Variants in GCDH observed in about 807,000 individuals in gnomAD.
The protein encoded by GCDH is glutaryl-CoA dehydrogenase, mitochondrial.
Under a neutral mutation model 52.8 loss-of-function variants are expected in GCDH, and 31 were observed. The ratio of observed to expected loss-of-function variants is 0.59; its 90% CI spans 0.44 to 0.79. The LOEUF (loss-of-function observed/expected upper bound fraction) is 0.79, where lower values mean the gene tolerates loss of function less well. GCDH is among the 30% of genes least tolerant of loss of function. The pLI, the probability that GCDH is intolerant of heterozygous loss-of-function variation, is 0.00. For missense variants in GCDH, 509 were observed against 595.0 expected (o/e 0.86, Z 1.50); for synonymous variants, 242 against 250.0 (o/e 0.97, Z 0.30).
Position 12,898,957 on chromosome 19 carries a change from G to A in GCDH, c.1244-511G>A, listed in dbSNP as rs535153862. 1.3e-4 allele frequency: 36 copies of A among 279,708 alleles called. 1 individual carries two copies. The South Asian group carries it at 1.4e-3, about 11-fold the overall frequency. The allele number at this position is 279,708 out of a possible 1,614,324, so 17.3% of individuals were successfully genotyped here. On this transcript the variant is annotated intron_variant, in intron 11 of 11. Transcript: ENST00000222214. ...TTCAGATGGGCAGAGGTCAGCTGAG[G>A]CAAGTGACTGCTCTTCCGATGTGCT...
At chr19:12,897,087 C>A in intron 9 of GCDH, 74 bp downstream of exon 9, 1 of 1,286,746 alleles carries the variant, frequency 7.8e-7, no homozygotes, top group South Asian at 1.2e-5. Context: ...CCATGGGTGA[C>A]TCCCCAGCCC....
At chr19:12,897,546 T>TC in intron 10 of GCDH, 118 bp downstream of exon 10, 1 of 1,436,594 alleles carries the variant, frequency 7.0e-7, no homozygotes, top group Non-Finnish European at 9.8e-7. Flanking sequence ...CCTTCTGCTG[T>TC]CCCTCTTGTC....
In GCDH at chr19:12,897,333, C is replaced by A; in HGVS notation, c.987C>A (p.Asn329Lys). ...RMQFGVPLAR[N>K]QLIQKKLADM... ...AGTTTGGTGTCCCACTGGCCAGGAACCAGCTGATTCAGAAGAAGCTGGCAG... is the reference window on the plus strand; with the variant it reads ...AGTTTGGTGTCCCACTGGCCAGGAAACAGCTGATTCAGAAGAAGCTGGCAG... Residue 329 changes from asparagine (N) to lysine (K), a missense_variant, in exon 10 of 12, where the codon AAC (asparagine) becomes AAA (lysine). Coordinates refer to ENST00000222214, the MANE Select transcript of GCDH (RefSeq NM_000159.4). The A allele has an allele frequency of 6.2e-7, 1 of 1,613,846 alleles. No individual in the cohort carries two copies. Among genetic ancestry groups the A allele is most frequent in the Non-Finnish European group, 8.5e-7 (1 of 1,180,004 alleles).
intron 6 of GCDH, chr19:12,894,238 G>T: frequency 8.7e-7 from 1 of 1,152,962 alleles, no homozygotes; most frequent in Non-Finnish European, 1.3e-6. Context: ...GGCCACAGAA[G>T]TTGCTGTTGA....
At chr19:12,895,962 C>T in intron 6 of GCDH, 30 bp from the exon 7 acceptor site, 2 of 1,613,374 alleles carry the variant, frequency 1.2e-6, no homozygotes, top group South Asian at 1.1e-5. Flanking sequence ...AGGGACCAGG[C>T]AGCCTTGTGA....
Position 12,895,921 on chromosome 19 carries a change from C to T in GCDH, c.506-71C>T, listed in dbSNP as rs1298961934. The stretch of plus-strand genomic sequence containing the variant: ...AGGCGTGAGCCACTGCACCCCGCCA[C>T]GAGGATAATTTTTGAGTAAGGGGAT... On this transcript the variant is annotated intron_variant, in intron 6 of 11. Coordinates refer to ENST00000222214, the MANE Select transcript of GCDH (RefSeq NM_000159.4). 5.0e-6 allele frequency: 8 copies of T among 1,593,404 alleles called. 1 individual carries two copies. Among genetic ancestry groups the T allele is most frequent in the Admixed American group, 3.3e-5 (2 of 59,964 alleles).
chr19:12,893,167 G>A (rs1191808306), intron 5 of GCDH, among the ~76,000 whole-genome samples: 5 of 152,210 alleles, frequency 3.3e-5, no homozygotes, highest in South Asian at 2.1e-4. Flanking sequence ...GATTATAAAC[G>A]TGAGCCACCG....
intron 11 of GCDH, 102 bp downstream of exon 11, chr19:12,897,965 C>G (rs1054954202): frequency 2.0e-6 from 2 of 987,126 alleles, no homozygotes; most frequent in Non-Finnish European, 3.2e-6. Flanking sequence ...CCACCTATCA[C>G]TAAGTGACAG....
chr19:12,892,962 T>A (rs1599609568), intron 5 of GCDH, among the ~76,000 whole-genome samples: 1 of 151,198 alleles, frequency 6.6e-6, no homozygotes, highest in Admixed American at 6.6e-5. Flanking sequence ...CCTGGCTCAC[T>A]GCAGTTTCCT....
In GCDH at chr19:12,896,459, C is replaced by G; in HGVS notation, c.852+38C>G. 6.7e-7 allele frequency: 1 copy of G among 1,486,866 alleles called. No homozygotes were observed. The highest frequency in any genetic ancestry group is 9.3e-7 in the Non-Finnish European group (1 of 1,074,988). The allele number at this position is 1,486,866 out of a possible 1,614,324, so 92.1% of individuals were successfully genotyped here. A position where few individuals can be genotyped will look rare whatever the true frequency, so the allele number is the denominator to read the frequency against. ...CACTTTGGGAATGGGTGTTGGGTCA[C>G]CTGCGGATGCGGCTTTGTCAGGCAG... On this transcript the variant is annotated intron_variant, in intron 8 of 11. Transcript: ENST00000222214. This position sits in a 1 kb window ranked among gnomAD's most constrained non-coding sequence, Gnocchi z 5.5.
rs934414554 is a variant in GCDH, at chr19:12,896,551, G to A, written c.852+130G>A. ...ACACAGTGGTGATTCTTACTCAGCC[G>A]GACTCGCTGACGTGCTGAAAACTGC... On this transcript the variant is annotated intron_variant, in intron 8 of 11. Coordinates refer to ENST00000222214, the MANE Select transcript of GCDH (RefSeq NM_000159.4). The surrounding 1 kb of genome is among the most constrained non-coding windows in gnomAD (Gnocchi z 5.5). The A allele has an allele frequency of 3.9e-5, 31 of 789,930 alleles. No individual in the cohort carries two copies. The highest frequency in any genetic ancestry group is 3.4e-4 in the Middle Eastern group (1 of 2,908). The allele number at this position is 789,930 out of a possible 1,614,324, so 48.9% of individuals were successfully genotyped here. A position where few individuals can be genotyped will look rare whatever the true frequency, so the allele number is the denominator to read the frequency against.
intron 10 of GCDH, 68 bp from the exon 11 acceptor site, chr19:12,897,635 C>T: frequency 6.3e-7 from 1 of 1,585,710 alleles, no homozygotes; most frequent in Non-Finnish European, 8.7e-7. Flanking sequence ...CCACCCCGGG[C>T]TAGGTTTGCT....
At position 12,899,702 on chromosome 19, in the gene GCDH, G is replaced by T. The variant is rs113720193; in HGVS notation, c.*161G>T. On this transcript the variant is annotated 3_prime_UTR_variant, in exon 12 of 12. Transcript: ENST00000222214. ...ATATCAAAATTTCCCTTCTGAAGTC[G>T]TTCAGATGTGTTCCTTAAAAAGAAG... is the stretch of plus-strand genomic sequence containing the variant. 3 of 1,611,830 alleles carry T rather than the reference G, an allele frequency of 1.9e-6. No individual in the cohort carries two copies. In the Admixed American group the frequency reaches 5.0e-5, roughly 27 times the overall value.
chr19:12,899,304 G>A (rs749703088), intron 11 of GCDH, 164 bp from the exon 12 acceptor site: 5 of 1,580,348 alleles, frequency 3.2e-6, no homozygotes, highest in Non-Finnish European at 4.4e-6. Context: ...GTCTTCTCCT[G>A]GAGACTGTCA....
At chr19:12,894,911 CG>C in intron 6 of GCDH, 2 of 254,814 alleles carry the variant, frequency 7.8e-6, no homozygotes, top group Non-Finnish European at 1.4e-5. Flanking sequence ...AGATCAGATT[CG>C]CAAAAAAAAA....
In GCDH at chr19:12,893,613, T is replaced by TGGC. The variant is rs1177802279; in HGVS notation, c.466_468dup (p.Gly156dup). The TGGC allele has an allele frequency of 6.2e-7, 1 of 1,614,122 alleles. No homozygotes were observed. On this transcript the variant is annotated inframe_insertion, in exon 6 of 12. Coordinates refer to ENST00000222214, the MANE Select transcript of GCDH (RefSeq NM_000159.4). ...TCGTCATGCACCCTATCTATGCCTA[T>TGGC]GGCAGCGAGGAACAGCGGCAGAAGT... is the stretch of plus-strand genomic sequence containing the variant.
chr19:12,898,551 G>T (rs1345160453), intron 11 of GCDH, among the ~76,000 whole-genome samples: 1 of 151,228 alleles, frequency 6.6e-6, no homozygotes, highest in Non-Finnish European at 1.5e-5. Context: ...TCCTACAAAT[G>T]TGAGAATGAC....
At chr19:12,897,933 G>A (rs1352950662) in intron 11 of GCDH, 70 bp downstream of exon 11, 13 of 1,368,376 alleles carry the variant, frequency 9.5e-6, no homozygotes, top group Middle Eastern at 1.9e-4. Flanking sequence ...GAGGTGGGAC[G>A]GGGACAGGTC....
intron 11 of GCDH, chr19:12,898,527 G>C (rs1260827570): frequency 6.4e-6 from 1 of 155,084 alleles, no homozygotes; most frequent in African/African-American, 2.4e-5. Context: ...TCTGGCATCT[G>C]GGGGGTGGGG....
Sources: allele counts gnomAD v4.1 joint callset (sites outside exome capture counted in the v4.1 genomes callset), GRCh38; gene constraint gnomAD v4.1.1; non-coding constraint Gnocchi (gnomAD v3.1); transcripts MANE v1.5; gene names NCBI Gene and HGNC (gene_info 2026-07-23, HGNC 2026-07-21).